SGCZ: variants seen among roughly 807,000 people sequenced by gnomAD.
SGCZ encodes the protein sarcoglycan zeta.
SGCZ carries 40 observed loss-of-function variants against 41.3 expected under a neutral mutation model. The ratio of observed to expected loss-of-function variants is 0.97; its 90% confidence interval spans 0.75 to 1.26. The LOEUF is 1.26. Among genes scored for constraint, SGCZ ranks in the 50% most tolerant of loss-of-function variants. The pLI, the probability that SGCZ is intolerant of heterozygous loss-of-function variation, is 0.00. For synonymous variants in SGCZ, 206 were observed against 137.5 expected, an observed-to-expected ratio of 1.50 and a Z score of -3.49; for missense variants, 552 against 369.8, an observed-to-expected ratio of 1.49 and a Z score of -4.04.
chr8:14,296,706 A>C (rs1801024217), intron 3 of SGCZ, among the ~76,000 whole-genome samples: 1 of 152,178 alleles, frequency 6.6e-6, no homozygotes, highest in African/African-American at 2.4e-5. Context: ...TCAAATAAAT[A>C]TAGCCAAAAA....
chr8:14,438,723 A>G (rs1800161135), intron 2 of SGCZ, among the ~76,000 whole-genome samples: 1 of 152,016 alleles, frequency 6.6e-6, no homozygotes, highest in Admixed American at 6.6e-5. Flanking sequence ...ACTTAATTTT[A>G]ATTTTTTTAA....
intron 1 of SGCZ, among the ~76,000 whole-genome samples, chr8:14,838,301 G>T (rs914745738): frequency 6.6e-6 from 1 of 152,064 alleles, no homozygotes; most frequent in East Asian, 1.9e-4. Flanking sequence ...TTGATGTTTG[G>T]TATCTTAAAA....
chr8:15,187,967 T>C (rs1800399982), intron 1 of SGCZ, among the ~76,000 whole-genome samples: 1 of 151,998 alleles, frequency 6.6e-6, no homozygotes, highest in African/African-American at 2.4e-5. Context: ...GTGTATGATA[T>C]CCGTATTTGT....
chr8:14,725,098 A>G (rs1250019278), intron 1 of SGCZ, among the ~76,000 whole-genome samples: 1 of 152,062 alleles, frequency 6.6e-6, no homozygotes, highest in Non-Finnish European at 1.5e-5. Flanking sequence ...AACACACAGT[A>G]TTTGTCTTTC....
At chr8:15,021,502 A>G (rs1803247461) in intron 1 of SGCZ, among the ~76,000 whole-genome samples, 1 of 152,200 alleles carries the variant, frequency 6.6e-6, no homozygotes, top group Non-Finnish European at 1.5e-5. Context: ...TTATAAGTCA[A>G]AAAGGGAATT....
chr8:14,981,742 G>A (rs1183629995), intron 1 of SGCZ, among the ~76,000 whole-genome samples: 8 of 152,070 alleles, frequency 5.3e-5, no homozygotes, highest in Admixed American at 1.3e-4. Flanking sequence ...TAATAGCTCC[G>A]CTTATAGCCC....
At chr8:14,549,875 T>C (rs144195072) in intron 2 of SGCZ, among the ~76,000 whole-genome samples, 1 of 152,144 alleles carries the variant, frequency 6.6e-6, no homozygotes, top group Non-Finnish European at 1.5e-5. Context: ...GCTTAGGAGG[T>C]AACAAGTTAG....
chr8:14,505,203 G>A (rs1043310824), intron 2 of SGCZ, among the ~76,000 whole-genome samples: 6 of 151,946 alleles, frequency 3.9e-5, no homozygotes, highest in Non-Finnish European at 7.4e-5. Flanking sequence ...AGTTATTAAA[G>A]GTTCTTAAGT....
chr8:14,536,752 A>C (rs17119749), intron 2 of SGCZ, among the ~76,000 whole-genome samples: 6,050 of 150,924 alleles, frequency 0.04, 383 homozygotes, highest in African/African-American at 0.14. Context: ...TTTTAACAAA[A>C]CTAAGGGCTT....
At chr8:14,457,455 GGA>G (rs1469242694) in intron 2 of SGCZ, among the ~76,000 whole-genome samples, 1 of 152,202 alleles carries the variant, frequency 6.6e-6, no homozygotes, top group African/African-American at 2.4e-5. Context: ...TTTCCCTGGG[GGA>G]GTTTAGAGAA....
intron 2 of SGCZ, among the ~76,000 whole-genome samples, chr8:14,503,941 G>C (rs985682432): frequency 6.6e-6 from 1 of 152,116 alleles, no homozygotes; most frequent in African/African-American, 2.4e-5. Context: ...AAAATGAAAT[G>C]AAAATGTAAG....
At chr8:14,663,488 T>C (rs1585164159) in intron 1 of SGCZ, among the ~76,000 whole-genome samples, 1 of 152,140 alleles carries the variant, frequency 6.6e-6, no homozygotes, top group Non-Finnish European at 1.5e-5. Flanking sequence ...TTACTGGCTG[T>C]GATTTTCAGG....
chr8:15,044,892 T>C (rs918080683), intron 1 of SGCZ, among the ~76,000 whole-genome samples: 4 of 152,058 alleles, frequency 2.6e-5, no homozygotes, highest in African/African-American at 7.2e-5. Context: ...AGAGTGGCTA[T>C]AATAGTATGA....
intron 1 of SGCZ, among the ~76,000 whole-genome samples, chr8:15,097,271 T>G (rs1806384275): frequency 6.6e-6 from 1 of 152,188 alleles, no homozygotes; most frequent in Non-Finnish European, 1.5e-5. Flanking sequence ...TAATGTAGAA[T>G]GCCTTTATAA....
At chr8:15,002,630 A>C (rs1802465608) in intron 1 of SGCZ, among the ~76,000 whole-genome samples, 1 of 152,180 alleles carries the variant, frequency 6.6e-6, no homozygotes, top group Non-Finnish European at 1.5e-5. Context: ...TAAGGGTGTG[A>C]GTGCTCAGCT....
intron 2 of SGCZ, among the ~76,000 whole-genome samples, chr8:14,551,473 T>TTATATATATAA (rs1433818053): frequency 0.01 from 116 of 11,538 alleles, 6 homozygotes; most frequent in South Asian, 0.021. Context: ...ATTATATATA[T>TTATATATATAA]TATATATTAT....
At chr8:15,204,851 C>T (rs1440994023) in intron 1 of SGCZ, among the ~76,000 whole-genome samples, 1 of 152,162 alleles carries the variant, frequency 6.6e-6, no homozygotes, top group Non-Finnish European at 1.5e-5. Context: ...GGGGAACTAT[C>T]TGTAGACAGG....
intron 6 of SGCZ, among the ~76,000 whole-genome samples, chr8:14,104,528 T>G (rs1054034579): frequency 1.3e-5 from 2 of 152,052 alleles, no homozygotes; most frequent in Non-Finnish European, 2.9e-5. Context: ...AGGCAATTAT[T>G]AAATATTAAG....
At position 15,068,314 on chromosome 8, in the gene SGCZ, C is replaced by G. The variant is rs114410516; in HGVS notation, c.39+169271G>C. Among the ~76,000 whole-genome samples the G allele has an allele frequency of 5.8e-3, 884 of 152,298 alleles. 8 individuals carry two copies. The highest frequency in any genetic ancestry group is 0.02 in the African/African-American group (836 of 41,570). On this transcript the variant is annotated intron_variant, in intron 1 of 7. Transcript: ENST00000382080. ...GATCATCACCCTGCTTAGAAGTTTT[C>G]CAATTCAATATCTCTTTTCAGTGAG...
Sources: allele counts gnomAD v4.1 joint callset (sites outside exome capture counted in the v4.1 genomes callset), GRCh38; gene constraint gnomAD v4.1.1; transcripts MANE v1.5; gene names NCBI Gene and HGNC (gene_info 2026-07-23, HGNC 2026-07-21).